The following LDLRAD3 variants were observed in gnomAD, a reference collection of about 807,000 sequenced individuals.
The protein encoded by LDLRAD3 is low-density lipoprotein receptor class A domain-containing protein 3.
A neutral mutation model predicts 29.4 loss-of-function variants in LDLRAD3; 20 were observed. The observed-to-expected ratio is 0.68, with a 90% CI of 0.48 to 0.99. LDLRAD3 has a LOEUF of 0.99. Ranked by LOEUF, LDLRAD3 falls within the 50% of genes least tolerant of loss-of-function variation. The pLI is 0.00. For missense variants in LDLRAD3, 420 were observed against 454.3 expected, an observed-to-expected ratio of 0.92 and a Z score of 0.69; for synonymous variants, 157 against 192.7, an observed-to-expected ratio of 0.81 and a Z score of 1.53.
intron 4 of LDLRAD3, among the ~76,000 whole-genome samples, chr11:36,159,374 T>C (rs1392674736): frequency 6.6e-6 from 1 of 151,352 alleles, no homozygotes; most frequent in Non-Finnish European, 1.5e-5. Context: ...GAAGCCGAGG[T>C]GGGAGGATCA....
At chr11:36,176,510 G>T (rs1854677981) in intron 4 of LDLRAD3, among the ~76,000 whole-genome samples, 2 of 151,462 alleles carry the variant, frequency 1.3e-5, no homozygotes, top group South Asian at 2.1e-4. Flanking sequence ...GTGCTGGCTT[G>T]GTAGTGGTGA....
At chr11:36,214,824 G>A (rs1855330199) in intron 4 of LDLRAD3, among the ~76,000 whole-genome samples, 1 of 152,214 alleles carries the variant, frequency 6.6e-6, no homozygotes, top group African/African-American at 2.4e-5. Context: ...AGATGCACAA[G>A]CCAAGACTTC....
chr11:36,114,309 C>T (rs556096979), intron 4 of LDLRAD3, among the ~76,000 whole-genome samples: 58 of 152,286 alleles, frequency 3.8e-4, no homozygotes, highest in African/African-American at 1.1e-3. Flanking sequence ...CAACACTGTG[C>T]GGTGCCAACC....
At chr11:36,149,944 T>C (rs548632439) in intron 4 of LDLRAD3, among the ~76,000 whole-genome samples, 1 of 152,328 alleles carries the variant, frequency 6.6e-6, no homozygotes, top group East Asian at 1.9e-4. Context: ...GGGTCTCTCT[T>C]ACAGCATTGC....
chr11:36,157,862 C>T (rs1030916680), intron 4 of LDLRAD3, among the ~76,000 whole-genome samples: 3 of 152,146 alleles, frequency 2.0e-5, no homozygotes, highest in Non-Finnish European at 4.4e-5. Context: ...AGATCTGTCA[C>T]GGGTAGATGC....
chr11:35,984,143 C>G (rs753176207), intron 1 of LDLRAD3, among the ~76,000 whole-genome samples: 15 of 152,136 alleles, frequency 9.9e-5, no homozygotes, highest in Non-Finnish European at 1.9e-4. Flanking sequence ...GGGTTCCCAG[C>G]AAACATTTTA....
chr11:36,193,855 A>G (rs1359560728), intron 4 of LDLRAD3, among the ~76,000 whole-genome samples: 1 of 152,018 alleles, frequency 6.6e-6, no homozygotes. Flanking sequence ...GGTCTGACAG[A>G]TTTGGATTCA....
At position 36,036,249 on chromosome 11, in the gene LDLRAD3, C is replaced by T. The variant is rs201184190; in HGVS notation, c.193C>T (p.Pro65Ser). 83 of 1,613,812 alleles carry T rather than the reference C, an allele frequency of 5.1e-5. 1 individual carries two copies. The highest frequency in any genetic ancestry group is 3.3e-4 in the Middle Eastern group (2 of 6,084). Residue 65 changes from proline to serine, a missense_variant and splice_region_variant, in exon 2 of 6, where the codon CCC becomes TCC. Around this residue, in one of 3 missense-constraint regions of LDLRAD3, gnomAD observed 224 missense variants for 222.2 expected, o/e 1.01. Coordinates refer to ENST00000315571, the MANE Select transcript of LDLRAD3 (RefSeq NM_174902.4). ...CGACAAGAGTGATGAGAAGGAGTGC[C>T]GTGAGTGGCCTGGCCCTTTGCTGGG... ...CFDKSDEKEC[P>S]KAKSKCGPTF... is the part of the protein sequence containing the mutation.
intron 1 of LDLRAD3, among the ~76,000 whole-genome samples, chr11:35,954,305 A>G (rs1851174398): frequency 2.0e-5 from 3 of 152,222 alleles, no homozygotes; most frequent in African/African-American, 7.2e-5. Flanking sequence ...GGCAACGTCA[A>G]CATCTTTTAA....
At chr11:36,072,459 G>A in intron 2 of LDLRAD3, among the ~76,000 whole-genome samples, 1 of 152,344 alleles carries the variant, frequency 6.6e-6, no homozygotes, top group Non-Finnish European at 1.5e-5. Flanking sequence ...GGGAGCTACA[G>A]GCATGATGTC....
At chr11:35,945,550 T>C (rs1169298792) in intron 1 of LDLRAD3, among the ~76,000 whole-genome samples, 1 of 152,138 alleles carries the variant, frequency 6.6e-6, no homozygotes, top group Non-Finnish European at 1.5e-5. Flanking sequence ...TCACAGGACA[T>C]TGGGCAGCCA....
chr11:36,229,627 TTGGG>T lies in LDLRAD3; in HGVS notation c.*231_*234del. 2.1e-6 allele frequency: 1 copy of T among 470,930 alleles called. No homozygotes were observed. Among genetic ancestry groups the T allele is most frequent in the Non-Finnish European group, 3.8e-6 (1 of 265,470 alleles). The allele number at this position is 470,930 out of a possible 1,614,324, so 29.2% of individuals were successfully genotyped here. A position where few individuals can be genotyped will look rare whatever the true frequency, so the allele number is the denominator to read the frequency against. On this transcript the variant is annotated 3_prime_UTR_variant, in exon 6 of 6. Transcript: ENST00000315571. ...TCTTTTCTGTCAGGTCACTCTTCCCTTGGGACCCGAGATCACACCCTCATTTTTC... is the reference window on the plus strand; with the variant it reads ...TCTTTTCTGTCAGGTCACTCTTCCCTACCCGAGATCACACCCTCATTTTTC...
intron 2 of LDLRAD3, 56 bp downstream of exon 2, chr11:36,036,305 G>A: frequency 6.2e-6 from 10 of 1,606,020 alleles, no homozygotes; most frequent in Non-Finnish European, 8.5e-6. Flanking sequence ...GGGCAGAGGG[G>A]AGCAGGTCCT....
intron 1 of LDLRAD3, among the ~76,000 whole-genome samples, chr11:35,990,378 T>C (rs1851672614): frequency 6.6e-6 from 1 of 152,076 alleles, no homozygotes; most frequent in African/African-American, 2.4e-5. Flanking sequence ...CAGGAATCTG[T>C]GGCATTCCTT....
intron 1 of LDLRAD3, chr11:35,967,321 C>T: frequency 4.6e-6 from 1 of 215,110 alleles, no homozygotes; most frequent in Non-Finnish European, 9.3e-6. Context: ...TGTGCTTGAG[C>T]AGACTGTAAA....
At chr11:36,157,037 G>A (rs553072228) in intron 4 of LDLRAD3, among the ~76,000 whole-genome samples, 8 of 152,162 alleles carry the variant, frequency 5.3e-5, no homozygotes, top group Non-Finnish European at 8.8e-5. Flanking sequence ...GGGAAACAGC[G>A]TAAGGGCTGT....
intron 3 of LDLRAD3, among the ~76,000 whole-genome samples, chr11:36,096,899 A>T (rs1423001520): frequency 6.6e-6 from 1 of 152,274 alleles, no homozygotes; most frequent in Non-Finnish European, 1.5e-5. Flanking sequence ...GCCCAAGATT[A>T]ATAAGTGGCA....
At chr11:36,116,979 C>T (rs1853684873) in intron 4 of LDLRAD3, among the ~76,000 whole-genome samples, 1 of 151,844 alleles carries the variant, frequency 6.6e-6, no homozygotes, top group East Asian at 1.9e-4. Context: ...GTAGCTGGGA[C>T]TACAGGCGCG....
At chr11:36,152,779 A>C (rs939623774) in intron 4 of LDLRAD3, among the ~76,000 whole-genome samples, 1 of 152,150 alleles carries the variant, frequency 6.6e-6, no homozygotes, top group Non-Finnish European at 1.5e-5. Flanking sequence ...ACTTTACTCC[A>C]TGCACCTTTT....
Sources: gnomAD v4.1 joint callset for allele counts (sites outside exome capture counted in the v4.1 genomes callset) on GRCh38, gnomAD v4.1.1 for gene constraint, gnomAD v4.1.1 regional missense constraint, MANE v1.5 for transcripts, NCBI Gene and HGNC (gene_info 2026-07-23, HGNC 2026-07-21) for gene names.